Variants in COX10 observed in about 807,000 individuals in gnomAD.
COX10 encodes cytochrome c oxidase assembly factor heme A:farnesyltransferase COX10.
COX10 carries 27 observed loss-of-function variants against 37.3 expected under a neutral mutation model. The observed-to-expected ratio is 0.72, with a 90% CI of 0.53 to 1.00. COX10 has a LOEUF of 1.00. Ranked by LOEUF, COX10 falls within the 50% of genes least tolerant of loss-of-function variation. The probability of loss-of-function intolerance (pLI) is 0.00; values close to 1 mark genes in which losing one functional copy is unlikely to be tolerated. For synonymous variants in COX10, 222 were observed against 229.1 expected, an observed-to-expected ratio of 0.97 and a Z score of 0.28; for missense variants, 475 against 563.2, an observed-to-expected ratio of 0.84 and a Z score of 1.59.
chr17:14,100,502 G>A (rs551887513), intron 3 of COX10, among the ~76,000 whole-genome samples: 1 of 152,132 alleles, frequency 6.6e-6, no homozygotes, highest in South Asian at 2.1e-4. Flanking sequence ...TTAACAAGTA[G>A]TATTTCCAAT....
intron 5 of COX10, among the ~76,000 whole-genome samples, chr17:14,183,615 G>C (rs1905931780): frequency 6.6e-6 from 1 of 152,244 alleles, no homozygotes; most frequent in African/African-American, 2.4e-5. Context: ...TTGTAATTTG[G>C]TATAATAAAA....
At position 14,076,940 on chromosome 17, in the gene COX10, A is replaced by G; in HGVS notation, c.383A>G (p.Glu128Gly). ...LIELEPDSVI[E>G]DSIDVGKETK... ...GAACTAGAGCCAGACTCAGTAATTG[A>G]AGACTCAATAGATGTAGGGAAAGAG... The change falls in exon 3 of 7, where the codon GAA (glutamate) becomes GGA (glycine). Residue 128 changes from glutamate to glycine, a missense_variant. Physicochemically the swap from Glu to Gly is moderately conservative, Grantham distance 98. Coordinates refer to ENST00000261643, the MANE Select transcript of COX10 (RefSeq NM_001303.4). The G allele has an allele frequency of 6.2e-7, 1 of 1,614,194 alleles. No homozygotes were observed. Among genetic ancestry groups the G allele is most frequent in the Non-Finnish European group, 8.5e-7 (1 of 1,180,020 alleles).
At chr17:14,087,381 C>T (rs941156759) in intron 3 of COX10, among the ~76,000 whole-genome samples, 1 of 152,104 alleles carries the variant, frequency 6.6e-6, no homozygotes, top group African/African-American at 2.4e-5. Flanking sequence ...CAACACTATC[C>T]AGACAGTAGT....
chr17:14,192,347 A>T (rs1441323183), intron 6 of COX10, 126 bp downstream of exon 6: 3 of 1,613,582 alleles, frequency 1.9e-6, no homozygotes, highest in Non-Finnish European at 2.5e-6. Context: ...AAATGTGCTG[A>T]TGTGGCAGAC....
rs76100849 is a variant in COX10, at chr17:14,204,377, C to T, written c.929-2433C>T. Among the ~76,000 whole-genome samples the T allele has an allele frequency of 9.6e-3, 1,454 of 152,072 alleles. 18 individuals are homozygous for T. Among genetic ancestry groups the T allele is most frequent in the African/African-American group, 0.033 (1,375 of 41,462 alleles). ...ACTAATGACCTCCTCTCCCCTTCTT[C>T]CCTGCTTGTCTCAGTAAGTGGCATC... On this transcript the variant is annotated intron_variant, in intron 6 of 6. Transcript: ENST00000261643.
intron 4 of COX10, among the ~76,000 whole-genome samples, chr17:14,153,819 G>C (rs186393162): frequency 6.6e-6 from 1 of 152,226 alleles, no homozygotes; most frequent in East Asian, 1.9e-4. Flanking sequence ...TTTGGTAATA[G>C]TTAAAAACTA....
intron 4 of COX10, among the ~76,000 whole-genome samples, chr17:14,126,965 A>ATAGT (rs3051869): frequency 0.93 from 141,334 of 151,882 alleles, 65,966 homozygotes; most frequent in East Asian, 1. Flanking sequence ...AAAAAAATAG[A>ATAGT]TAGTGACTCG....
chr17:14,158,812 G>A (rs1905110525), intron 4 of COX10, among the ~76,000 whole-genome samples: 1 of 152,086 alleles, frequency 6.6e-6, no homozygotes, highest in Non-Finnish European at 1.5e-5. Context: ...ACATAGCTGG[G>A]GAAGTACTGA....
At chr17:14,132,492 G>A (rs941093341) in intron 4 of COX10, among the ~76,000 whole-genome samples, 3 of 151,652 alleles carry the variant, frequency 2.0e-5, no homozygotes, top group African/African-American at 4.8e-5. Flanking sequence ...GCCCTTTACC[G>A]AATGGTGGTG....
At chr17:14,143,985 T>C (rs17678774) in intron 4 of COX10, among the ~76,000 whole-genome samples, 32,698 of 152,074 alleles carry the variant, frequency 0.22, 4,503 homozygotes, top group Non-Finnish European at 0.31. Flanking sequence ...GTTGTGTCCT[T>C]CCAAGAGAAG....
intron 5 of COX10, among the ~76,000 whole-genome samples, chr17:14,185,013 A>G (rs1181840186): frequency 6.7e-6 from 1 of 148,756 alleles, no homozygotes; most frequent in Non-Finnish European, 1.5e-5. Context: ...GAGCCCAGAG[A>G]CACCCAAGAA....
At chr17:14,167,556 G>A (rs1403508672) in intron 5 of COX10, among the ~76,000 whole-genome samples, 1 of 152,160 alleles carries the variant, frequency 6.6e-6, no homozygotes, top group African/African-American at 2.4e-5. Flanking sequence ...AGAACTACCT[G>A]AGACTGGGTC....
chr17:14,109,557 A>G (rs147538620), intron 4 of COX10, among the ~76,000 whole-genome samples: 95 of 152,282 alleles, frequency 6.2e-4, no homozygotes, highest in African/African-American at 2.2e-3. Flanking sequence ...TTATTCCAGT[A>G]TTGTAGAAGA....
chr17:14,205,737 C>T (rs1906679922), intron 6 of COX10, among the ~76,000 whole-genome samples: 2 of 152,304 alleles, frequency 1.3e-5, no homozygotes, highest in African/African-American at 4.8e-5. Flanking sequence ...ATTGCTCTTC[C>T]GTCTCTTTTT....
At chr17:14,132,931 A>G (rs1422694623) in intron 4 of COX10, among the ~76,000 whole-genome samples, 1 of 151,716 alleles carries the variant, frequency 6.6e-6, no homozygotes, top group Non-Finnish European at 1.5e-5. Context: ...AACCATTCTT[A>G]TTTTCAGTTC....
chr17:14,125,559 G>A (rs1414227633), intron 4 of COX10, among the ~76,000 whole-genome samples: 1 of 152,116 alleles, frequency 6.6e-6, no homozygotes, highest in Non-Finnish European at 1.5e-5. Context: ...GGATTACAAA[G>A]GGAAATGCCT....
At chr17:14,121,359 G>GT (rs1567595840) in intron 4 of COX10, among the ~76,000 whole-genome samples, 1 of 152,190 alleles carries the variant, frequency 6.6e-6, no homozygotes, top group African/African-American at 2.4e-5. Context: ...TGAGGGATGC[G>GT]TATCTTAATA....
intron 4 of COX10, among the ~76,000 whole-genome samples, chr17:14,137,672 C>T (rs189014353): frequency 0.021 from 3,224 of 151,302 alleles, 118 homozygotes; most frequent in African/African-American, 0.074. Context: ...TTAGGATTTC[C>T]GACTCATATA....
At chr17:14,092,794 C>T (rs1344127453) in intron 3 of COX10, among the ~76,000 whole-genome samples, 1 of 152,120 alleles carries the variant, frequency 6.6e-6, no homozygotes, top group Non-Finnish European at 1.5e-5. Context: ...AAAAAGTACA[C>T]TCTCATTTAA....
Sources: gnomAD v4.1 joint callset for allele counts (sites outside exome capture counted in the v4.1 genomes callset) on GRCh38, gnomAD v4.1.1 for gene constraint, MANE v1.5 for transcripts, NCBI Gene and HGNC (gene_info 2026-07-23, HGNC 2026-07-21) for gene names.